The following TEX14 variants were observed in gnomAD, a reference collection of about 807,000 sequenced individuals.
The protein encoded by TEX14 is testis expressed 14, intercellular bridge forming factor, also known as inactive serine/threonine-protein kinase TEX14.
In TEX14, 168 loss-of-function variants were observed where a neutral mutation model predicts 178.6. The observed-to-expected ratio is 0.94, with a 90% CI of 0.83 to 1.07. The LOEUF is 1.07. Among genes scored for constraint, TEX14 ranks in the 50% least tolerant of loss-of-function variants. The probability of loss-of-function intolerance (pLI) is 0.00; values close to 1 mark genes in which losing one functional copy is unlikely to be tolerated. For missense variants in TEX14, 1,730 were observed against 1,753.6 expected (o/e 0.99, Z 0.24); for synonymous variants, 626 against 634.1 (o/e 0.99, Z 0.19).
chr17:58,647,424 C>G (rs945537124), intron 2 of TEX14, among the ~76,000 whole-genome samples: 1 of 150,228 alleles, frequency 6.7e-6, no homozygotes. Flanking sequence ...CCCAGCTACT[C>G]GGGAGGCTGA....
chr17:58,648,865 C>T (rs989359258), intron 2 of TEX14, among the ~76,000 whole-genome samples: 1 of 143,368 alleles, frequency 7.0e-6, no homozygotes, highest in Admixed American at 7.2e-5. Context: ...TCTCGGATCA[C>T]TGCAAGCTCC....
At chr17:58,683,224 T>C (rs1244683399) in intron 1 of TEX14, among the ~76,000 whole-genome samples, 1 of 150,520 alleles carries the variant, frequency 6.6e-6, no homozygotes, top group Non-Finnish European at 1.5e-5. Context: ...GATACAAAAA[T>C]TAGCTGGGCA....
intron 13 of TEX14, among the ~76,000 whole-genome samples, chr17:58,601,116 T>A (rs1182722193): frequency 6.6e-6 from 1 of 151,392 alleles, no homozygotes; most frequent in Non-Finnish European, 1.5e-5. Context: ...CCAGGTGTGG[T>A]GGCTCATGCC....
chr17:58,556,936 C>T lies in TEX14; in HGVS notation c.*75G>A. 3.3e-6 allele frequency: 4 copies of T among 1,221,664 alleles called. No individual in the cohort carries two copies. In the Admixed American group the frequency reaches 6.9e-5, roughly 21 times the overall value. The allele number at this position is 1,221,664 out of a possible 1,614,324, so 75.7% of individuals were successfully genotyped here. On this transcript the variant is annotated 3_prime_UTR_variant, in exon 32 of 32. Coordinates refer to ENST00000349033, the MANE Select transcript of TEX14 (RefSeq NM_031272.5). ...ACTGCTGCCCTGACAGCAACTGAAG[C>T]AGAAAGAGAAGAAAGGAGCTTACAA... is the stretch of plus-strand genomic sequence containing the variant.
intron 19 of TEX14, among the ~76,000 whole-genome samples, chr17:58,581,109 G>A (rs2044803581): frequency 6.6e-6 from 1 of 152,110 alleles, no homozygotes; most frequent in Admixed American, 6.5e-5. Context: ...TCAGGAGTTT[G>A]AGACCAGCCC....
At chr17:58,674,676 C>T (rs1383062318) in intron 1 of TEX14, among the ~76,000 whole-genome samples, 2 of 150,864 alleles carry the variant, frequency 1.3e-5, no homozygotes. Context: ...TCTCAAAAAA[C>T]GAATAGAAAC....
intron 5 of TEX14, among the ~76,000 whole-genome samples, chr17:58,618,479 G>A (rs1461339134): frequency 6.6e-6 from 1 of 152,224 alleles, no homozygotes; most frequent in Non-Finnish European, 1.5e-5. Flanking sequence ...CACTGAAGGT[G>A]TCTTGGAAGA....
At chr17:58,623,738 A>G (rs1037252587) in intron 3 of TEX14, among the ~76,000 whole-genome samples, 7 of 149,150 alleles carry the variant, frequency 4.7e-5, no homozygotes, top group South Asian at 2.2e-4. Flanking sequence ...GGAGGAAGGG[A>G]AAAAAAAGAA....
At chr17:58,558,035 T>C (rs1017258916) in intron 30 of TEX14, among the ~76,000 whole-genome samples, 185 bp from the exon 31 acceptor site, 10 of 152,232 alleles carry the variant, frequency 6.6e-5, no homozygotes, top group South Asian at 2.1e-4. Flanking sequence ...TAACATTCTA[T>C]AGTTTTCTGC....
At chr17:58,597,571 C>G (rs899046179) in intron 14 of TEX14, among the ~76,000 whole-genome samples, 1 of 152,072 alleles carries the variant, frequency 6.6e-6, no homozygotes, top group East Asian at 1.9e-4. Context: ...CCTCTCCCAC[C>G]CCACCCGCAT....
chr17:58,653,663 A>T (rs2046886799), intron 1 of TEX14, among the ~76,000 whole-genome samples: 1 of 152,090 alleles, frequency 6.6e-6, no homozygotes, highest in African/African-American at 2.4e-5. Flanking sequence ...CAGCCCTATG[A>T]TTAAACCTCT....
intron 14 of TEX14, among the ~76,000 whole-genome samples, chr17:58,596,192 A>T (rs302839): frequency 0.2 from 30,154 of 148,230 alleles, 3,078 homozygotes; most frequent in Middle Eastern, 0.28. Flanking sequence ...TTAAAAATTT[A>T]AAAAAAAAAA....
At chr17:58,662,093 T>C (rs2047124332) in intron 1 of TEX14, among the ~76,000 whole-genome samples, 1 of 151,664 alleles carries the variant, frequency 6.6e-6, no homozygotes, top group African/African-American at 2.4e-5. Flanking sequence ...TGTGTATGTA[T>C]GATGTAAAAA....
At chr17:58,688,690 G>A (rs1454903300) in intron 1 of TEX14, among the ~76,000 whole-genome samples, 1 of 152,144 alleles carries the variant, frequency 6.6e-6, no homozygotes, top group Non-Finnish European at 1.5e-5. Flanking sequence ...TTCCAGACAT[G>A]TGATACAAAT....
At chr17:58,661,571 G>A (rs750419028) in intron 1 of TEX14, 4 of 738,050 alleles carry the variant, frequency 5.4e-6, no homozygotes, top group Admixed American at 4.0e-5. Flanking sequence ...CCGCGGCGGC[G>A]GCAGGAACTC....
chr17:58,666,863 C>A (rs1303042339), intron 1 of TEX14, among the ~76,000 whole-genome samples: 1 of 152,168 alleles, frequency 6.6e-6, no homozygotes, highest in African/African-American at 2.4e-5. Context: ...GCAAATCCTT[C>A]CAAGGAACGC....
intron 3 of TEX14, among the ~76,000 whole-genome samples, chr17:58,628,535 A>T (rs1172713910): frequency 6.6e-6 from 1 of 152,030 alleles, no homozygotes; most frequent in Non-Finnish European, 1.5e-5. Context: ...ACACGGTGAA[A>T]CCCCATCTCT....
intron 27 of TEX14, 140 bp from the exon 28 acceptor site, chr17:58,565,108 G>T: frequency 2.2e-6 from 1 of 464,218 alleles, no homozygotes. Context: ...TCCCAGGAGA[G>T]CAGGGGGCCA....
intron 15 of TEX14, among the ~76,000 whole-genome samples, chr17:58,590,708 G>A (rs970504606): frequency 7.9e-5 from 12 of 151,974 alleles, no homozygotes; most frequent in South Asian, 4.2e-4. Context: ...GTCTACAGCC[G>A]CACACCACCA....
Sources: gnomAD v4.1 joint callset for allele counts (sites outside exome capture counted in the v4.1 genomes callset) on GRCh38, gnomAD v4.1.1 for gene constraint, MANE v1.5 for transcripts, NCBI Gene and HGNC (gene_info 2026-07-23, HGNC 2026-07-21) for gene names.